The following RBFOX1 variants were observed in gnomAD, a reference collection of about 807,000 sequenced individuals.
RBFOX1 encodes RNA binding protein fox-1 homolog 1.
In RBFOX1, 8 loss-of-function variants were observed where a neutral mutation model predicts 57.7. The observed-to-expected ratio is 0.14, with a 90% CI of 0.08 to 0.25. RBFOX1 has a LOEUF of 0.25. RBFOX1 is among the 10% of genes least tolerant of loss of function. RBFOX1 has a pLI of 1.00. For synonymous variants in RBFOX1, 326 were observed against 222.4 expected (o/e 1.47, Z -4.15); for missense variants, 611 against 548.5 (o/e 1.11, Z -1.14).
At chr16:6,457,438 T>TTCCCCCCCCCCCC (rs757540836) in intron 2 of RBFOX1, among the ~76,000 whole-genome samples, 2 of 54,224 alleles carry the variant, frequency 3.7e-5, no homozygotes, top group Non-Finnish European at 7.7e-5. Context: ...TTTCCGGAAG[T>TTCCCCCCCCCCCC]CCCCCCCCCC....
intron 2 of RBFOX1, among the ~76,000 whole-genome samples, chr16:6,419,227 A>G (rs1201974435): frequency 4.6e-5 from 7 of 151,744 alleles, no homozygotes; most frequent in Non-Finnish European, 8.8e-5. Context: ...TTTTTGAAGC[A>G]CTCCATGATT....
At chr16:5,837,356 C>T (rs1007198894) in intron 3 of RBFOX1, among the ~76,000 whole-genome samples, 2 of 152,044 alleles carry the variant, frequency 1.3e-5, no homozygotes, top group African/African-American at 2.4e-5. Flanking sequence ...AGGGTTTGTC[C>T]AGCTGGCAGA....
chr16:6,686,974 A>T (rs2059526285), intron 3 of RBFOX1, among the ~76,000 whole-genome samples: 1 of 152,198 alleles, frequency 6.6e-6, no homozygotes, highest in East Asian at 1.9e-4. Context: ...GAAAATACTC[A>T]TTATATATAA....
chr16:7,473,406 AT>A (rs2061965478), intron 4 of RBFOX1, among the ~76,000 whole-genome samples: 2 of 148,090 alleles, frequency 1.4e-5, no homozygotes, highest in Admixed American at 1.4e-4. Flanking sequence ...ATATTTATAT[AT>A]AATGTTATAT....
chr16:6,967,543 C>G (rs1054116660), intron 3 of RBFOX1, among the ~76,000 whole-genome samples: 3 of 152,180 alleles, frequency 2.0e-5, no homozygotes, highest in African/African-American at 7.2e-5. Flanking sequence ...AATAGACTGA[C>G]TTGCTTATGT....
intron 2 of RBFOX1, among the ~76,000 whole-genome samples, chr16:6,615,799 G>T (rs2098133076): frequency 6.6e-6 from 1 of 152,294 alleles, no homozygotes; most frequent in East Asian, 1.9e-4. Flanking sequence ...ATTAACAGCA[G>T]ATGGATGGAG....
chr16:5,673,273 A>C (rs957798746), intron 3 of RBFOX1, among the ~76,000 whole-genome samples: 1 of 152,144 alleles, frequency 6.6e-6, no homozygotes, highest in South Asian at 2.1e-4. Context: ...CCCACATTAC[A>C]GGGTCAGAAG....
chr16:5,712,577 C>G (rs1319486760), intron 3 of RBFOX1, among the ~76,000 whole-genome samples: 1 of 152,050 alleles, frequency 6.6e-6, no homozygotes, highest in Non-Finnish European at 1.5e-5. Flanking sequence ...CATCTATGAG[C>G]TCACTTAATT....
At chr16:7,141,286 A>G (rs768507514) in intron 4 of RBFOX1, among the ~76,000 whole-genome samples, 2 of 152,114 alleles carry the variant, frequency 1.3e-5, no homozygotes, top group Non-Finnish European at 2.9e-5. Context: ...TTCACACCCA[A>G]TATTTATTCA....
At chr16:5,723,964 A>G (rs540624239) in intron 3 of RBFOX1, among the ~76,000 whole-genome samples, 1 of 152,176 alleles carries the variant, frequency 6.6e-6, no homozygotes, top group Non-Finnish European at 1.5e-5. Context: ...GCTTTGAAAA[A>G]TGTTTTGGAG....
chr16:6,607,802 T>A (rs1249797532), intron 2 of RBFOX1, among the ~76,000 whole-genome samples: 1 of 152,200 alleles, frequency 6.6e-6, no homozygotes, highest in South Asian at 2.1e-4. Flanking sequence ...ATGTTTCACA[T>A]CCTAATGAGC....
intron 2 of RBFOX1, among the ~76,000 whole-genome samples, chr16:6,639,313 T>A (rs561408609): frequency 8.5e-5 from 13 of 152,278 alleles, no homozygotes; most frequent in African/African-American, 2.9e-4. Context: ...TTAAATAGTT[T>A]CGTTGAGTCC....
At chr16:5,902,175 T>C (rs2058319375) in intron 4 of RBFOX1, among the ~76,000 whole-genome samples, 1 of 152,202 alleles carries the variant, frequency 6.6e-6, no homozygotes, top group African/African-American at 2.4e-5. Flanking sequence ...AAAATTTATT[T>C]ATCGCCCTCT....
At chr16:5,664,947 T>TC (rs1555496930) in intron 3 of RBFOX1, among the ~76,000 whole-genome samples, 1 of 143,544 alleles carries the variant, frequency 7.0e-6, no homozygotes, top group African/African-American at 2.7e-5. Flanking sequence ...TTATCTCTGC[T>TC]CTTTTTTTTT....
chr16:6,048,412 A>C (rs2095517307), intron 1 of RBFOX1, among the ~76,000 whole-genome samples: 1 of 152,196 alleles, frequency 6.6e-6, no homozygotes, highest in African/African-American at 2.4e-5. Flanking sequence ...AAACCTTCCA[A>C]ATTGTGATTT....
chr16:7,293,939 G>C (rs1603537238), intron 4 of RBFOX1, among the ~76,000 whole-genome samples: 1 of 152,142 alleles, frequency 6.6e-6, no homozygotes, highest in Non-Finnish European at 1.5e-5. Context: ...CAGAGCTGGA[G>C]ATGTTAGAGG....
At chr16:7,447,482 T>TG (rs377441256) in intron 4 of RBFOX1, among the ~76,000 whole-genome samples, 14 of 149,498 alleles carry the variant, frequency 9.4e-5, no homozygotes, top group African/African-American at 3.4e-4. Flanking sequence ...AAATTACTAG[T>TG]GCAGAGTTGC....
At chr16:7,041,331 A>G (rs79848282) in intron 3 of RBFOX1, among the ~76,000 whole-genome samples, 14,336 of 152,116 alleles carry the variant, frequency 0.094, 1,105 homozygotes, top group East Asian at 0.32. Flanking sequence ...AGTAGCTGCA[A>G]CAAAGACAAG....
intron 2 of RBFOX1, among the ~76,000 whole-genome samples, chr16:5,530,280 A>G (rs1567198198): frequency 6.6e-6 from 1 of 152,078 alleles, no homozygotes; most frequent in Non-Finnish European, 1.5e-5. Context: ...CTACTTCTTA[A>G]CTGCTTCTTT....
Sources: gnomAD v4.1 joint callset for allele counts (sites outside exome capture counted in the v4.1 genomes callset) on GRCh38, gnomAD v4.1.1 for gene constraint, MANE v1.5 for transcripts, NCBI Gene and HGNC (gene_info 2026-07-23, HGNC 2026-07-21) for gene names.